The following PTPMT1 variants were observed in gnomAD, a reference collection of about 807,000 sequenced individuals.
PTPMT1 encodes protein tyrosine phosphatase mitochondrial 1.
PTPMT1 carries 12 observed loss-of-function variants against 17.8 expected under a neutral mutation model. The observed-to-expected ratio is 0.67, with a 90% CI of 0.43 to 1.09. The LOEUF is 1.09. PTPMT1 is among the 50% of genes least tolerant of loss of function. PTPMT1 has a pLI of 0.00. For synonymous variants in PTPMT1, 132 were observed against 116.8 expected, an observed-to-expected ratio of 1.13 and a Z score of -0.84; for missense variants, 262 against 266.0, an observed-to-expected ratio of 0.99 and a Z score of 0.10.
chr11:47,567,405 CA>C (rs547929091), intron 2 of PTPMT1, among the ~76,000 whole-genome samples: 123 of 125,736 alleles, frequency 9.8e-4, no homozygotes, highest in Non-Finnish European at 8.8e-4. Flanking sequence ...GTCTCCGTCT[CA>C]AAAAAAAAAA....
chr11:47,573,368 A>G lies in PTPMT1; in HGVS notation c.*1739A>G. 6.2e-7 allele frequency: 1 copy of G among 1,614,162 alleles called. No individual in the cohort carries two copies. ...AGTAGATGATCCCGTTGAGGTTGGC[A>G]CCAGCAGCCCCTGACACAGCCACCT... On this transcript the variant is annotated 3_prime_UTR_variant, in exon 4 of 4. Transcript: ENST00000326674. The surrounding 1 kb of genome is among the most constrained non-coding windows in gnomAD (Gnocchi z 4.1).
intron 3 of PTPMT1, 62 bp downstream of exon 3, chr11:47,569,953 A>G (rs2097248660): frequency 7.2e-7 from 1 of 1,396,866 alleles, no homozygotes; most frequent in Non-Finnish European, 9.9e-7. Context: ...GCACTTTGGG[A>G]GGCTTGAGAT....
intron 1 of PTPMT1, 24 bp from the exon 2 acceptor site, chr11:47,565,882 T>C: frequency 6.2e-7 from 1 of 1,612,408 alleles, no homozygotes; most frequent in Non-Finnish European, 8.5e-7. Flanking sequence ...CCGTCTTTGC[T>C]GAGCCACCTC....
intron 3 of PTPMT1, among the ~76,000 whole-genome samples, chr11:47,571,144 A>G (rs1331997434): frequency 6.6e-6 from 1 of 152,158 alleles, no homozygotes; most frequent in African/African-American, 2.4e-5. Flanking sequence ...CAGCTCGGAG[A>G]GGACGTGGAG....
At chr11:47,569,147 A>G (rs2097248058) in intron 2 of PTPMT1, among the ~76,000 whole-genome samples, 3 of 152,008 alleles carry the variant, frequency 2.0e-5, no homozygotes, top group Non-Finnish European at 2.9e-5. Flanking sequence ...GCACTTTGGG[A>G]GGCTGAGGCA....
intron 2 of PTPMT1, among the ~76,000 whole-genome samples, chr11:47,568,583 G>T (rs2097247652): frequency 6.6e-6 from 1 of 152,164 alleles, no homozygotes; most frequent in Admixed American, 6.5e-5. Context: ...TTGGGAGGCT[G>T]AGGTGGGAGG....
chr11:47,573,102 G>C lies in PTPMT1; in HGVS notation c.*1473G>C, dbSNP rs1233488420. ...GGCAATCTTCCAGAGGGATGGGGCA[G>C]AGCTCCAGGCCTCAGGAAGGCAAAG... On this transcript the variant is annotated 3_prime_UTR_variant, in exon 4 of 4. Coordinates refer to ENST00000326674, the MANE Select transcript of PTPMT1 (RefSeq NM_175732.3). This position sits in a 1 kb window ranked among gnomAD's most constrained non-coding sequence, Gnocchi z 4.1. 3 of 1,614,092 alleles carry C rather than the reference G, an allele frequency of 1.9e-6. No individual in the cohort carries two copies. Among genetic ancestry groups the C allele is most frequent in the Non-Finnish European group, 2.5e-6 (3 of 1,180,036 alleles).
intron 2 of PTPMT1, among the ~76,000 whole-genome samples, chr11:47,566,570 T>TA (rs1386291781): frequency 6.6e-6 from 1 of 151,762 alleles, no homozygotes; most frequent in Non-Finnish European, 1.5e-5. Context: ...CTTATTTCGG[T>TA]AACCAAAATC....
Position 47,565,906 on chromosome 11 carries a change from C to T in PTPMT1, c.175C>T (p.Leu59=), listed in dbSNP as rs1413884094. The change falls in exon 2 of 4, where the codon CTG becomes TTG. Residue 59 remains leucine, a splice_region_variant and synonymous_variant. Transcript: ENST00000326674. ...ALPLRSLTRQ[L]VQDENVRGVI... is the part of the protein sequence containing the mutation. ...CTGAGCCACCTCTTTGCCTCGGCAG[C>T]TGGTACAGGACGAGAACGTGCGCGG... The T allele has an allele frequency of 1.2e-6, 2 of 1,612,486 alleles. No individual in the cohort carries two copies. Among genetic ancestry groups the T allele is most frequent in the Non-Finnish European group, 1.7e-6 (2 of 1,179,472 alleles).
intron 2 of PTPMT1, among the ~76,000 whole-genome samples, chr11:47,568,674 A>G (rs1372116139): frequency 6.6e-6 from 1 of 152,020 alleles, no homozygotes; most frequent in Non-Finnish European, 1.5e-5. Flanking sequence ...ACATAGCAAG[A>G]TCGTGTCTCT....
At position 47,572,976 on chromosome 11, in the gene PTPMT1, CTT is replaced by C. The variant is rs1461759939; in HGVS notation, c.*1348_*1349del. On this transcript the variant is annotated 3_prime_UTR_variant, in exon 4 of 4. Transcript: ENST00000326674. ...ATTGGTAAGCAGCACCTTAATACCT[CTT>C]GTGACAGTTACGGCTGAAGTGGCAG... The C allele has an allele frequency of 3.7e-6, 6 of 1,614,196 alleles. 1 individual carries two copies. The South Asian group carries it at 4.4e-5, about 12-fold the overall frequency.
intron 2 of PTPMT1, 84 bp downstream of exon 2, chr11:47,566,070 G>A (rs1405650015): frequency 7.0e-7 from 1 of 1,421,958 alleles, no homozygotes; most frequent in Non-Finnish European, 9.3e-7. Flanking sequence ...AGAGAAGTGT[G>A]GGGGAGGTCA....
chr11:47,566,088 C>A, intron 2 of PTPMT1, 102 bp downstream of exon 2: 2 of 1,316,560 alleles, frequency 1.5e-6, no homozygotes, highest in Non-Finnish European at 2.0e-6. Flanking sequence ...TCACCATGCA[C>A]CGGAGCCAGG....
intron 3 of PTPMT1, among the ~76,000 whole-genome samples, chr11:47,571,012 C>T (rs2097249321): frequency 6.6e-6 from 1 of 152,172 alleles, no homozygotes; most frequent in African/African-American, 2.4e-5. Context: ...CAATGAGTAT[C>T]CTTAGGACAT....
chr11:47,570,186 C>CA lies in PTPMT1; in HGVS notation c.447+318dup, dbSNP rs548462674. On this transcript the variant is annotated intron_variant, in intron 3 of 3. Coordinates refer to ENST00000326674, the MANE Select transcript of PTPMT1 (RefSeq NM_175732.3). ...CATAGCCAACAGAGTGAAACTGTCT[C>CA]AAAAAAAAAAAAAAAAAAAAAAAGT... Among the ~76,000 whole-genome samples, 218 of 85,398 alleles carry CA rather than the reference C, an allele frequency of 2.6e-3. 1 individual carries two copies. Among genetic ancestry groups the CA allele is most frequent in the African/African-American group, 7.4e-3 (163 of 22,034 alleles). The allele number at this position is 85,398 out of a possible 152,430, so 56.0% of individuals were successfully genotyped here.
At position 47,565,939 on chromosome 11, in the gene PTPMT1, A is replaced by T. The variant is rs1345887823; in HGVS notation, c.208A>T (p.Thr70Ser). 3 of 1,609,280 alleles carry T rather than the reference A, an allele frequency of 1.9e-6. No individual in the cohort carries two copies. The highest frequency in any genetic ancestry group is 2.5e-6 in the Non-Finnish European group (3 of 1,178,284). The change falls in exon 2 of 4, where the codon ACC (threonine) becomes TCC (serine). Residue 70 changes from threonine to serine, a missense_variant. Transcript: ENST00000326674. Reference sequence around the variant, plus strand: ...GGACGAGAACGTGCGCGGGGTGATCACCATGAACGAGGAGTACGAGACGAG... The same window carrying T: ...GGACGAGAACGTGCGCGGGGTGATCTCCATGAACGAGGAGTACGAGACGAG... ...VQDENVRGVI[T>S]MNEEYETRFL...
chr11:47,569,988 T>C, intron 3 of PTPMT1, 97 bp downstream of exon 3: 3 of 970,752 alleles, frequency 3.1e-6, no homozygotes, highest in African/African-American at 3.3e-5. Flanking sequence ...AGCCCAGGAG[T>C]TTGAGACCAG....
At chr11:47,567,170 G>A (rs1276826285) in intron 2 of PTPMT1, among the ~76,000 whole-genome samples, 1 of 152,118 alleles carries the variant, frequency 6.6e-6, no homozygotes, top group Non-Finnish European at 1.5e-5. Flanking sequence ...GGGAGGCTGA[G>A]GTGGGTGGAT....
chr11:47,569,367 C>T (rs576318277), intron 2 of PTPMT1, among the ~76,000 whole-genome samples: 1 of 120,276 alleles, frequency 8.3e-6, no homozygotes, highest in Admixed American at 1.1e-4. Flanking sequence ...GCCTGGGCAA[C>T]AGAGCGAGAC....
Sources: allele counts gnomAD v4.1 joint callset (sites outside exome capture counted in the v4.1 genomes callset), GRCh38; gene constraint gnomAD v4.1.1; non-coding constraint Gnocchi (gnomAD v3.1); transcripts MANE v1.5; gene names NCBI Gene and HGNC (gene_info 2026-07-23, HGNC 2026-07-21).